AGBL1: variants seen among roughly 807,000 people sequenced by gnomAD.
AGBL1 encodes cytosolic carboxypeptidase 4.
In AGBL1, 130 loss-of-function variants were observed where a neutral mutation model predicts 118.9. That is an observed-to-expected ratio of 1.09 (90% confidence interval 0.95 to 1.26). The LOEUF is 1.26. Among genes scored for constraint, AGBL1 ranks in the 50% most tolerant of loss-of-function variants. The probability of loss-of-function intolerance (pLI) is 0.00; values close to 1 mark genes in which losing one functional copy is unlikely to be tolerated. For synonymous variants in AGBL1, 555 were observed against 478.9 expected, an observed-to-expected ratio of 1.16 and a Z score of -2.08; for missense variants, 1,584 against 1,298.1, an observed-to-expected ratio of 1.22 and a Z score of -3.38.
intron 21 of AGBL1, among the ~76,000 whole-genome samples, chr15:86,608,512 T>G (rs2142385702): frequency 6.6e-6 from 1 of 152,286 alleles, no homozygotes; most frequent in African/African-American, 2.4e-5. Context: ...ACCTTCTCAC[T>G]GAAAAGTAAA....
intron 22 of AGBL1, among the ~76,000 whole-genome samples, chr15:86,760,310 A>T (rs2078005642): frequency 6.6e-6 from 1 of 152,008 alleles, no homozygotes; most frequent in African/African-American, 2.4e-5. Context: ...AGCCTTGGGG[A>T]GAATTAGGTG....
intron 22 of AGBL1, among the ~76,000 whole-genome samples, chr15:86,771,097 A>T (rs1014940635): frequency 1.3e-5 from 2 of 152,058 alleles, no homozygotes; most frequent in African/African-American, 4.8e-5. Context: ...GAGGTGTCAA[A>T]GATGGAAGGA....
In AGBL1 at chr15:86,915,389, G is replaced by T. The variant is rs1157175739; in HGVS notation, c.*8095G>T. On this transcript the variant is annotated 3_prime_UTR_variant, in exon 23 of 23. Transcript: ENST00000614907. Reference sequence around the variant, plus strand: ...GATCCAGCCACTACGTAATTTTCTGGTCTCTTCTCTTGACATCAGCCCCTG... The same window carrying T: ...GATCCAGCCACTACGTAATTTTCTGTTCTCTTCTCTTGACATCAGCCCCTG... The T allele has an allele frequency of 1.3e-5, 2 of 152,172 alleles. No homozygotes were observed. The highest frequency in any genetic ancestry group is 4.8e-5 in the African/African-American group (2 of 41,426). 9.4% of individuals were successfully genotyped at this position (152,172 alleles called of 1,614,324 possible). A position where few individuals can be genotyped will look rare whatever the true frequency, so the allele number is the denominator to read the frequency against.
chr15:86,464,153 G>A (rs535206290), intron 18 of AGBL1, among the ~76,000 whole-genome samples: 19 of 151,972 alleles, frequency 1.3e-4, no homozygotes, highest in African/African-American at 4.3e-4. Context: ...GACGGTCTTC[G>A]TGTCCCTTGT....
intron 1 of AGBL1, among the ~76,000 whole-genome samples, chr15:86,135,630 T>C (rs143816155): frequency 3.7e-4 from 57 of 152,320 alleles, no homozygotes; most frequent in Non-Finnish European, 5.1e-4. Context: ...CCTGAATGCC[T>C]ACTGTGTGAA....
intron 1 of AGBL1, among the ~76,000 whole-genome samples, chr15:86,136,460 A>G (rs2076890570): frequency 6.6e-6 from 1 of 152,234 alleles, no homozygotes; most frequent in Non-Finnish European, 1.5e-5. Flanking sequence ...GGAGTTGTGC[A>G]GAGCCCAATA....
At chr15:86,683,567 C>T (rs1200219975) in intron 22 of AGBL1, among the ~76,000 whole-genome samples, 2 of 152,160 alleles carry the variant, frequency 1.3e-5, no homozygotes, top group African/African-American at 4.8e-5. Context: ...GTGATTTACA[C>T]ATTGCCAGTC....
chr15:87,012,210 C>CAG (rs1316308788), intron 24 of AGBL1, among the ~76,000 whole-genome samples: 8 of 123,198 alleles, frequency 6.5e-5, no homozygotes, highest in Admixed American at 6.0e-4. Context: ...CACACACACA[C>CAG]ACACACACAC....
In AGBL1 at chr15:86,546,678, C is replaced by G. The variant is rs78165430; in HGVS notation, c.2817+545C>G. Among the ~76,000 whole-genome samples, 613 of 152,280 alleles carry G rather than the reference C, an allele frequency of 4.0e-3. 9 individuals carry two copies. The highest frequency in any genetic ancestry group is 0.014 in the African/African-American group (589 of 41,566). On this transcript the variant is annotated intron_variant, in intron 20 of 22. Transcript: ENST00000614907. The stretch of plus-strand genomic sequence containing the variant: ...CTATAAAAAGCAGATCAGTAATCCA[C>G]TGACCCTAATTCTATTTTACTTTAG...
chr15:86,646,951 G>T (rs1022206521), intron 21 of AGBL1, among the ~76,000 whole-genome samples: 1 of 152,040 alleles, frequency 6.6e-6, no homozygotes, highest in African/African-American at 2.4e-5. Flanking sequence ...GTTTTTTAAA[G>T]TGTCATGACA....
chr15:86,517,061 C>T (rs1013929754), intron 18 of AGBL1, among the ~76,000 whole-genome samples: 1 of 152,044 alleles, frequency 6.6e-6, no homozygotes, highest in Non-Finnish European at 1.5e-5. Flanking sequence ...CAAATTAAAA[C>T]ATGTAAGAGA....
chr15:86,972,464 C>T (rs1192151851), intron 23 of AGBL1, among the ~76,000 whole-genome samples: 1 of 151,996 alleles, frequency 6.6e-6, no homozygotes, highest in Non-Finnish European at 1.5e-5. Context: ...ATATGTATTT[C>T]AAACAAAGCG....
chr15:86,356,205 A>G (rs1438304562), intron 17 of AGBL1, among the ~76,000 whole-genome samples: 1 of 152,158 alleles, frequency 6.6e-6, no homozygotes, highest in East Asian at 1.9e-4. Flanking sequence ...AGAAATAGAG[A>G]CTGATGGGAA....
chr15:86,614,917 A>C (rs1239302955), intron 21 of AGBL1, among the ~76,000 whole-genome samples: 1 of 152,238 alleles, frequency 6.6e-6, no homozygotes, highest in Non-Finnish European at 1.5e-5. Flanking sequence ...GGTGACAACC[A>C]AACTGGGTGT....
At chr15:86,804,516 C>G (rs1212406421) in intron 22 of AGBL1, among the ~76,000 whole-genome samples, 2 of 152,106 alleles carry the variant, frequency 1.3e-5, no homozygotes, top group Non-Finnish European at 2.9e-5. Flanking sequence ...AACAACAAAT[C>G]TGGCCTCAGG....
At chr15:86,145,657 CA>C (rs1315445192) in intron 3 of AGBL1, among the ~76,000 whole-genome samples, 1 of 152,092 alleles carries the variant, frequency 6.6e-6, no homozygotes, top group African/African-American at 2.4e-5. Flanking sequence ...AGGCTTTTGC[CA>C]ACACCTGCAT....
intron 18 of AGBL1, among the ~76,000 whole-genome samples, chr15:86,479,484 C>T (rs1197340890): frequency 1.3e-5 from 2 of 152,150 alleles, no homozygotes; most frequent in African/African-American, 2.4e-5. Context: ...AAAAAATGCT[C>T]ATCATCACTG....
chr15:86,246,992 T>G (rs1481917417), intron 6 of AGBL1, among the ~76,000 whole-genome samples: 1 of 152,214 alleles, frequency 6.6e-6, no homozygotes, highest in Non-Finnish European at 1.5e-5. Flanking sequence ...TATTATTATG[T>G]TTCTTTTTTT....
chr15:86,938,134 G>A (rs947237341), intron 23 of AGBL1, among the ~76,000 whole-genome samples: 4 of 152,166 alleles, frequency 2.6e-5, no homozygotes, highest in African/African-American at 9.7e-5. Flanking sequence ...TCTGATAAGT[G>A]TGGTCCCTAA....
Sources: gnomAD v4.1 joint callset for allele counts (sites outside exome capture counted in the v4.1 genomes callset) on GRCh38, gnomAD v4.1.1 for gene constraint, MANE v1.5 for transcripts, NCBI Gene and HGNC (gene_info 2026-07-23, HGNC 2026-07-21) for gene names.